ROBO1: variants seen among roughly 807,000 people sequenced by gnomAD.
ROBO1 encodes the protein roundabout homolog 1.
Under a neutral mutation model 195.9 loss-of-function variants are expected in ROBO1, and 149 were observed. The ratio of observed to expected loss-of-function variants is 0.76; its 90% CI spans 0.67 to 0.87. ROBO1 has a LOEUF of 0.87. Ranked by LOEUF, ROBO1 falls within the 40% of genes least tolerant of loss-of-function variation. The probability of loss-of-function intolerance (pLI) is 0.00; values close to 1 mark genes in which losing one functional copy is unlikely to be tolerated. For missense variants in ROBO1, 1,933 were observed against 2,068.3 expected (o/e 0.93, Z 1.27); for synonymous variants, 816 against 733.2 (o/e 1.11, Z -1.82).
rs78211196 is a variant in ROBO1, at chr3:79,262,475, T to G, written c.89-136936A>C. ...TAGAGTACAAGAAAAGAAACTTTTG[T>G]TGTTTTAAGACTTTTGATACTATCT... On this transcript the variant is annotated intron_variant, in intron 2 of 30. Coordinates refer to ENST00000464233, the MANE Select transcript of ROBO1 (RefSeq NM_002941.4). Among the ~76,000 whole-genome samples, 460 of 152,250 alleles carry G rather than the reference T, an allele frequency of 3.0e-3. 1 individual carries two copies. Among genetic ancestry groups the G allele is most frequent in the South Asian group, 5.8e-3 (28 of 4,832 alleles).
chr3:78,905,548 G>A (rs1166179184), intron 4 of ROBO1, among the ~76,000 whole-genome samples: 1 of 152,072 alleles, frequency 6.6e-6, no homozygotes, highest in African/African-American at 2.4e-5. Context: ...TAGCTAGGGA[G>A]ATGGAGGCTG....
intron 8 of ROBO1, among the ~76,000 whole-genome samples, chr3:78,711,440 T>TTTCTTTCTTTCCTTCC (rs770070756): frequency 2.4e-4 from 10 of 41,604 alleles, no homozygotes; most frequent in Admixed American, 1.3e-3. Context: ...TCTTTCTTTC[T>TTTCTTTCTTTCCTTCC]TTCCTTCCTT....
intron 2 of ROBO1, among the ~76,000 whole-genome samples, chr3:79,140,553 T>C (rs544776400): frequency 2.0e-5 from 3 of 152,212 alleles, no homozygotes; most frequent in East Asian, 3.9e-4. Context: ...GATAATCCTA[T>C]ATACCTAATA....
chr3:79,235,388 T>TCTCCAAAACATATACCCTCTCCAAAC lies in ROBO1; in HGVS notation c.89-109850_89-109849insGTTTGGAGAGGGTATATGTTTTGGAG, dbSNP rs562077445. Among the ~76,000 whole-genome samples, 69 of 152,192 alleles carry TCTCCAAAACATATACCCTCTCCAAAC rather than the reference T, an allele frequency of 4.5e-4. No homozygotes were observed. The East Asian group carries it at 0.01, about 23-fold the overall frequency. ...TCATCATTATAATAGTAAGGGGCGC[T>TCTCCAAAACATATACCCTCTCCAAAC]GTGTAGATCCCCTCTCCAAAACATA... On this transcript the variant is annotated intron_variant, in intron 2 of 30. Coordinates refer to ENST00000464233, the MANE Select transcript of ROBO1 (RefSeq NM_002941.4).
rs546332555 is a variant in ROBO1 at position 78,659,159 on chromosome 3, TA to T, written c.2442+526del. The stretch of plus-strand genomic sequence containing the variant: ...GCCTTGAAACTCTTAAGAAAACACT[TA>T]AAAGTACAGAGACTTTTACCTTTTA... On this transcript the variant is annotated intron_variant, in intron 17 of 30. Transcript: ENST00000464233. Among the ~76,000 whole-genome samples, 8 of 152,296 alleles carry T rather than the reference TA, an allele frequency of 5.3e-5. No individual in the cohort carries two copies. The East Asian group carries it at 1.5e-3, about 29-fold the overall frequency.
intron 2 of ROBO1, among the ~76,000 whole-genome samples, chr3:79,568,046 T>C (rs1053748279): frequency 1.3e-5 from 2 of 152,090 alleles, no homozygotes; most frequent in African/African-American, 2.4e-5. Context: ...GTTGGTGCCG[T>C]GAATGTAAGG....
At chr3:79,763,519 G>A (rs570138826) in intron 1 of ROBO1, among the ~76,000 whole-genome samples, 1 of 152,198 alleles carries the variant, frequency 6.6e-6, no homozygotes, top group South Asian at 2.1e-4. Flanking sequence ...ATAGGGTTTG[G>A]CCAAATGAAG....
chr3:79,098,713 G>T (rs976991965), intron 3 of ROBO1, among the ~76,000 whole-genome samples: 9 of 151,796 alleles, frequency 5.9e-5, no homozygotes, highest in African/African-American at 2.2e-4. Flanking sequence ...ACCAGAAAAA[G>T]AGTACATTTC....
chr3:79,678,762 G>A (rs867696152), intron 1 of ROBO1, among the ~76,000 whole-genome samples: 5 of 152,010 alleles, frequency 3.3e-5, no homozygotes, highest in African/African-American at 9.7e-5. Flanking sequence ...AAAGGAGCAC[G>A]GATTGCCAGC....
intron 2 of ROBO1, among the ~76,000 whole-genome samples, chr3:79,461,469 T>G (rs2107263271): frequency 6.6e-6 from 1 of 152,188 alleles, no homozygotes; most frequent in East Asian, 1.9e-4. Flanking sequence ...AGCACACCCT[T>G]CTAGAGGTCT....
intron 4 of ROBO1, among the ~76,000 whole-genome samples, chr3:78,923,637 AT>A (rs2039060545): frequency 6.6e-6 from 1 of 152,196 alleles, no homozygotes; most frequent in Admixed American, 6.5e-5. Context: ...GAAACTTCTC[AT>A]TCCAGAAGAA....
chr3:79,304,494 T>C (rs1247188571), intron 2 of ROBO1, among the ~76,000 whole-genome samples: 1 of 152,162 alleles, frequency 6.6e-6, no homozygotes, highest in Non-Finnish European at 1.5e-5. Flanking sequence ...ATCTTTCTTA[T>C]GCCCCTTGGT....
At chr3:79,399,888 A>G (rs1039723020) in intron 2 of ROBO1, among the ~76,000 whole-genome samples, 9 of 152,196 alleles carry the variant, frequency 5.9e-5, no homozygotes, top group Admixed American at 5.2e-4. Flanking sequence ...GAATTTTTAT[A>G]GGTGTTTTCC....
chr3:79,251,273 C>T (rs879409120), intron 2 of ROBO1, among the ~76,000 whole-genome samples: 7 of 152,026 alleles, frequency 4.6e-5, no homozygotes, highest in Admixed American at 3.9e-4. Context: ...ATAGAGAAGG[C>T]AAGCAAGTGG....
At chr3:79,573,413 T>C (rs1244841887) in intron 2 of ROBO1, among the ~76,000 whole-genome samples, 1 of 152,128 alleles carries the variant, frequency 6.6e-6, no homozygotes, top group East Asian at 1.9e-4. Flanking sequence ...AATTTATTGA[T>C]AGTAAATGTA....
Position 78,668,314 on chromosome 3 carries a change from G to C in ROBO1, c.1631-12C>G. The C allele has an allele frequency of 5.0e-6, 8 of 1,611,074 alleles. No individual in the cohort carries two copies. Among genetic ancestry groups the C allele is most frequent in the Non-Finnish European group, 6.8e-6 (8 of 1,178,756 alleles). On this transcript the variant is annotated splice_polypyrimidine_tract_variant and intron_variant, in intron 12 of 30. Coordinates refer to ENST00000464233, the MANE Select transcript of ROBO1 (RefSeq NM_002941.4). ...TGGAACTCCAAATTCTAAAAAGCAGGAAAAAGGCCAAAATAAAAGATGTTT... is the reference window on the plus strand; with the variant it reads ...TGGAACTCCAAATTCTAAAAAGCAGCAAAAAGGCCAAAATAAAAGATGTTT...
intron 2 of ROBO1, among the ~76,000 whole-genome samples, chr3:79,323,522 G>A (rs1421651933): frequency 6.6e-6 from 1 of 152,164 alleles, no homozygotes; most frequent in Non-Finnish European, 1.5e-5. Context: ...GCATGCGTGT[G>A]TTCATGCATG....
intron 3 of ROBO1, among the ~76,000 whole-genome samples, chr3:79,000,354 CT>C (rs1357324426): frequency 7.2e-5 from 11 of 152,128 alleles, no homozygotes; most frequent in Middle Eastern, 3.2e-3. Context: ...CAAAAATTTT[CT>C]CCCATTCTGG....
At chr3:78,855,350 C>T (rs1254265891) in intron 4 of ROBO1, among the ~76,000 whole-genome samples, 1 of 152,148 alleles carries the variant, frequency 6.6e-6, no homozygotes, top group East Asian at 1.9e-4. Flanking sequence ...CGTAAGTCTA[C>T]TCTGAGAATT....
Sources: allele counts gnomAD v4.1 joint callset (sites outside exome capture counted in the v4.1 genomes callset), GRCh38; gene constraint gnomAD v4.1.1; transcripts MANE v1.5; gene names NCBI Gene and HGNC (gene_info 2026-07-23, HGNC 2026-07-21).